The following TSTD2 variants were observed in gnomAD, a reference collection of about 807,000 sequenced individuals.
TSTD2 encodes the protein thiosulfate sulfurtransferase like domain containing 2, also known as thiosulfate sulfurtransferase/rhodanese-like domain-containing protein 2.
TSTD2 carries 37 observed loss-of-function variants against 47.9 expected under a neutral mutation model. The observed-to-expected ratio is 0.77, with a 90% CI of 0.59 to 1.02. The LOEUF is 1.02. Ranked by LOEUF, TSTD2 falls within the 50% of genes least tolerant of loss-of-function variation. The probability of loss-of-function intolerance (pLI) is 0.00; values close to 1 mark genes in which losing one functional copy is unlikely to be tolerated. For synonymous variants in TSTD2, 201 were observed against 215.9 expected, an observed-to-expected ratio of 0.93 and a Z score of 0.61; for missense variants, 586 against 616.0, an observed-to-expected ratio of 0.95 and a Z score of 0.52.
intron 3 of TSTD2, among the ~76,000 whole-genome samples, chr9:97,619,767 G>GAT (rs1261982400): frequency 6.6e-6 from 1 of 152,208 alleles, no homozygotes; most frequent in East Asian, 1.9e-4. Flanking sequence ...CAGTCAACAG[G>GAT]AGGCTATTAG....
chr9:97,607,847 T>C (rs569948685), intron 6 of TSTD2, among the ~76,000 whole-genome samples: 49 of 152,166 alleles, frequency 3.2e-4, no homozygotes, highest in Non-Finnish European at 5.9e-4. Flanking sequence ...GAGGTTGTAG[T>C]GAGCATTCCA....
chr9:97,621,879 T>C (rs1359454913), intron 3 of TSTD2, among the ~76,000 whole-genome samples: 1 of 152,318 alleles, frequency 6.6e-6, no homozygotes, highest in East Asian at 1.9e-4. Context: ...ATTTGAAGCA[T>C]GTGATCTCTG....
intron 3 of TSTD2, 94 bp downstream of exon 3, chr9:97,625,587 C>A: frequency 8.1e-7 from 1 of 1,229,828 alleles, no homozygotes; most frequent in Non-Finnish European, 1.1e-6. Context: ...GTTGGTCTTT[C>A]TCACTTTAGC....
chr9:97,608,745 G>C (rs1284877720), intron 6 of TSTD2, among the ~76,000 whole-genome samples: 1 of 152,212 alleles, frequency 6.6e-6, no homozygotes, highest in African/African-American at 2.4e-5. Context: ...AAAGCTGTTT[G>C]TAGTCATACT....
intron 3 of TSTD2, 38 bp downstream of exon 3, chr9:97,625,643 A>T: frequency 1.9e-6 from 3 of 1,556,124 alleles, no homozygotes; most frequent in Non-Finnish European, 2.6e-6. Flanking sequence ...TTGGAAAAAT[A>T]CTTTAAATCA....
At chr9:97,623,091 C>G (rs1826666727) in intron 3 of TSTD2, among the ~76,000 whole-genome samples, 1 of 152,216 alleles carries the variant, frequency 6.6e-6, no homozygotes, top group Admixed American at 6.5e-5. Flanking sequence ...CCACCCAAAT[C>G]TCATCTTGAA....
intron 9 of TSTD2, among the ~76,000 whole-genome samples, chr9:97,603,815 T>G (rs1011088092): frequency 4.6e-5 from 7 of 152,170 alleles, no homozygotes; most frequent in Non-Finnish European, 1.0e-4. Context: ...TCCTCCTGCC[T>G]CAGCCTCCTG....
At chr9:97,633,060 G>C (rs1032856043) in intron 1 of TSTD2, among the ~76,000 whole-genome samples, 183 bp downstream of exon 1, 2 of 152,252 alleles carry the variant, frequency 1.3e-5, no homozygotes, top group African/African-American at 2.4e-5. Flanking sequence ...GGAAAATGAC[G>C]GCCAGCCGGC....
At position 97,605,547 on chromosome 9, in the gene TSTD2, C is replaced by T. The variant is rs139574256; in HGVS notation, c.1049G>A (p.Arg350Lys). ...DKNLELFREK[R>K]VLMYCTGGIR... is the part of the protein sequence containing the mutation. The stretch of plus-strand genomic sequence containing the variant: ...GCCCCCGGTACAGTACATCAGCACT[C>T]TCTTCTCTCTGAAAAGTTCTAGATT... The change falls in exon 8 of 10, where the codon AGA becomes AAA. Residue 350 changes from arginine to lysine, a missense_variant. Transcript: ENST00000341170. 6.6e-5 allele frequency: 107 copies of T among 1,614,104 alleles called. No individual in the cohort carries two copies. In the African/African-American group the frequency reaches 1.2e-3, roughly 18 times the overall value.
intron 3 of TSTD2, among the ~76,000 whole-genome samples, chr9:97,618,689 C>T (rs574266361): frequency 5.1e-4 from 77 of 152,146 alleles, no homozygotes; most frequent in African/African-American, 1.8e-3. Context: ...TTTTTCAATA[C>T]CTTGTTAGCA....
chr9:97,602,943 G>C, intron 9 of TSTD2, 176 bp from the exon 10 acceptor site: 2 of 565,462 alleles, frequency 3.5e-6, no homozygotes, highest in Non-Finnish European at 5.9e-6. Context: ...CCACCACCCA[G>C]CTTATTTTTT....
intron 1 of TSTD2, 74 bp from the exon 2 acceptor site, chr9:97,627,686 A>G (rs576167144): frequency 9.7e-7 from 1 of 1,026,902 alleles, no homozygotes; most frequent in Admixed American, 2.5e-5. Flanking sequence ...CTAATCAATC[A>G]CGCAAATCAG....
chr9:97,612,845 C>T (rs1339770943), intron 4 of TSTD2, among the ~76,000 whole-genome samples: 5 of 152,242 alleles, frequency 3.3e-5, no homozygotes, highest in African/African-American at 7.2e-5. Context: ...CACAAGCCAC[C>T]GTGCCCAGCT....
chr9:97,606,251 T>C lies in TSTD2; in HGVS notation c.846A>G (p.Leu282=). 6.3e-7 allele frequency: 1 copy of C among 1,596,274 alleles called. No individual in the cohort carries two copies. ...CTTCTTTATGAAATTCACCTGGGGA[T>C]AAATGGATTCCTAAAACCAAACCAA... The part of the protein sequence containing the change: ...KISYKKPGIH[L]SPGEFHKEVE... Residue 282 remains leucine, a synonymous_variant, in exon 7 of 10, where the codon TTA becomes TTG. Coordinates refer to ENST00000341170, the MANE Select transcript of TSTD2 (RefSeq NM_139246.5).
intron 3 of TSTD2, among the ~76,000 whole-genome samples, chr9:97,622,718 G>C (rs1365169266): frequency 6.6e-6 from 1 of 152,254 alleles, no homozygotes; most frequent in African/African-American, 2.4e-5. Flanking sequence ...GCATGACCTG[G>C]ATGTGAGACA....
At chr9:97,616,406 T>C (rs1384996263) in intron 4 of TSTD2, among the ~76,000 whole-genome samples, 1 of 152,092 alleles carries the variant, frequency 6.6e-6, no homozygotes, top group African/African-American at 2.4e-5. Context: ...TGATTCACCT[T>C]TTAGGATCAT....
In TSTD2 at chr9:97,602,749, G is replaced by C. The variant is rs138275052; in HGVS notation, c.1271C>G (p.Ala424Gly). ...GCAGAGTTTATACTGGTCCCAGCGG[G>C]CTCCACAGTATGAACACTCTGGGGA... ...DVVSECSYCG[A>G]RWDQYKLCST... The change falls in exon 10 of 10, where the codon GCC becomes GGC. Residue 424 changes from alanine (A) to glycine (G), a missense_variant. By Grantham distance (60) the Ala-to-Gly change is moderately conservative. Coordinates refer to ENST00000341170, the MANE Select transcript of TSTD2 (RefSeq NM_139246.5). 2 of 1,612,770 alleles carry C rather than the reference G, an allele frequency of 1.2e-6. No individual in the cohort carries two copies. Among genetic ancestry groups the C allele is most frequent in the Non-Finnish European group, 1.7e-6 (2 of 1,179,208 alleles).
Position 97,601,601 on chromosome 9 carries a change from A to G in TSTD2, c.*868T>C, listed in dbSNP as rs1302441463. 10 of 987,334 alleles carry G rather than the reference A, an allele frequency of 1.0e-5. No homozygotes were observed. In the East Asian group the frequency reaches 4.5e-4, roughly 45 times the overall value. The allele number at this position is 987,334 out of a possible 1,614,324, so 61.2% of individuals were successfully genotyped here. A position where few individuals can be genotyped will look rare whatever the true frequency, so the allele number is the denominator to read the frequency against. On this transcript the variant is annotated 3_prime_UTR_variant, in exon 10 of 10. Coordinates refer to ENST00000341170, the MANE Select transcript of TSTD2 (RefSeq NM_139246.5). ...TGCTGGTCTAGATCAGGGGCTGGCA[A>G]ACTTTTCTGTAAAAGGCCAGACAGT... is the stretch of plus-strand genomic sequence containing the variant.
chr9:97,606,288 T>A, intron 6 of TSTD2, 27 bp from the exon 7 acceptor site: 1 of 1,452,874 alleles, frequency 6.9e-7, no homozygotes, highest in Non-Finnish European at 9.4e-7. Context: ...AAAATTATAT[T>A]AAAACAAAGA....
Sources: allele counts gnomAD v4.1 joint callset (sites outside exome capture counted in the v4.1 genomes callset), GRCh38; gene constraint gnomAD v4.1.1; transcripts MANE v1.5; gene names NCBI Gene and HGNC (gene_info 2026-07-23, HGNC 2026-07-21).